Variants in PLCB1 observed in about 807,000 individuals in gnomAD.
PLCB1 encodes 1-phosphatidylinositol 4,5-bisphosphate phosphodiesterase beta-1.
In PLCB1, 46 loss-of-function variants were observed where a neutral mutation model predicts 161.8. The observed-to-expected ratio is 0.28, with a 90% CI of 0.22 to 0.36. PLCB1 has a LOEUF of 0.36. PLCB1 is among the 10% of genes least tolerant of loss of function. PLCB1 has a pLI of 1.00. For missense variants in PLCB1, 1,016 were observed against 1,472.5 expected (o/e 0.69, Z 5.07); for synonymous variants, 517 against 503.7 (o/e 1.03, Z -0.35).
intron 3 of PLCB1, among the ~76,000 whole-genome samples, chr20:8,420,105 A>G (rs1374230842): frequency 1.3e-5 from 2 of 152,176 alleles, no homozygotes; most frequent in Non-Finnish European, 2.9e-5. Context: ...AACTTTTACA[A>G]CAGAGAAAGC....
At chr20:8,302,049 A>G (rs1281070212) in intron 2 of PLCB1, among the ~76,000 whole-genome samples, 6 of 152,242 alleles carry the variant, frequency 3.9e-5, no homozygotes, top group Non-Finnish European at 7.3e-5. Flanking sequence ...GTGTCAGTAA[A>G]TGTGAAATAC....
At chr20:8,557,169 A>G (rs1985992954) in intron 3 of PLCB1, among the ~76,000 whole-genome samples, 1 of 151,898 alleles carries the variant, frequency 6.6e-6, no homozygotes, top group Admixed American at 6.6e-5. Flanking sequence ...TAGAGTTACC[A>G]TATAATTCAG....
rs1407830414 is a variant in PLCB1, at chr20:8,621,332, G to C, written c.247-6962G>C. Among the ~76,000 whole-genome samples, 3 of 152,240 alleles carry C rather than the reference G, an allele frequency of 2.0e-5. No individual in the cohort carries two copies. In the East Asian group the frequency reaches 5.8e-4, roughly 29 times the overall value. ...GGTGGTAGCATATGTCAAAAAGACTGGGGGGATAGTTTAAAACATGGCTGA... is the reference window on the plus strand; with the variant it reads ...GGTGGTAGCATATGTCAAAAAGACTCGGGGGATAGTTTAAAACATGGCTGA... On this transcript the variant is annotated intron_variant, in intron 3 of 31. Transcript: ENST00000338037.
At chr20:8,202,649 G>A (rs764130188) in intron 2 of PLCB1, among the ~76,000 whole-genome samples, 16 of 152,068 alleles carry the variant, frequency 1.1e-4, no homozygotes, top group African/African-American at 2.7e-4. Flanking sequence ...TAATTCAATC[G>A]CATATGTTGA....
At chr20:8,874,975 A>T (rs975310421) in intron 31 of PLCB1, among the ~76,000 whole-genome samples, 3 of 151,726 alleles carry the variant, frequency 2.0e-5, no homozygotes, top group Non-Finnish European at 4.4e-5. Flanking sequence ...GCTTCTTTAA[A>T]GGAAATTTCT....
At chr20:8,583,053 T>C (rs1266886867) in intron 3 of PLCB1, among the ~76,000 whole-genome samples, 7 of 132,348 alleles carry the variant, frequency 5.3e-5, no homozygotes, top group Non-Finnish European at 8.1e-5. Flanking sequence ...GAACCTTACA[T>C]TGATGAACCT....
At chr20:8,765,379 T>C (rs374877144) in intron 26 of PLCB1, 21 bp downstream of exon 26, 104 of 1,552,054 alleles carry the variant, frequency 6.7e-5, no homozygotes, top group Non-Finnish European at 8.9e-5. Flanking sequence ...TGAATATTTT[T>C]AGTTGGTTTC....
chr20:8,594,614 G>A (rs537641413), intron 3 of PLCB1, among the ~76,000 whole-genome samples: 1 of 151,718 alleles, frequency 6.6e-6, no homozygotes, highest in East Asian at 1.9e-4. Context: ...GAGCACTGTT[G>A]ATTCTCCACT....
chr20:8,628,533 G>A (rs970523899), intron 4 of PLCB1, 102 bp downstream of exon 4: 2 of 1,239,810 alleles, frequency 1.6e-6, no homozygotes, highest in South Asian at 1.4e-5. Flanking sequence ...TATTTAGCAT[G>A]TGTTAAAATT....
chr20:8,513,575 T>C (rs1983983724), intron 3 of PLCB1, among the ~76,000 whole-genome samples: 1 of 152,190 alleles, frequency 6.6e-6, no homozygotes, highest in Non-Finnish European at 1.5e-5. Flanking sequence ...AACATCCCCA[T>C]TGAAGTATTG....
At position 8,449,636 on chromosome 20, in the gene PLCB1, G is replaced by A. The variant is rs544640300; in HGVS notation, c.246+78186G>A. ...CACTTCCGGGGCACATACTACAATC[G>A]TTTCTTAGAGTGTCCCTAACAGGGG... On this transcript the variant is annotated intron_variant, in intron 3 of 31. Coordinates refer to ENST00000338037, the MANE Select transcript of PLCB1 (RefSeq NM_015192.4). Among the ~76,000 whole-genome samples, 4 of 152,258 alleles carry A rather than the reference G, an allele frequency of 2.6e-5. No individual in the cohort carries two copies. The South Asian group carries it at 6.2e-4, about 24-fold the overall frequency.
intron 6 of PLCB1, 95 bp from the exon 7 acceptor site, chr20:8,649,279 T>C (rs1443027161): frequency 1.3e-6 from 1 of 743,186 alleles, no homozygotes; most frequent in East Asian, 2.5e-5. Context: ...ATAAATAGAT[T>C]TGACTGAATG....
intron 31 of PLCB1, among the ~76,000 whole-genome samples, chr20:8,856,477 G>A (rs148513160): frequency 3.3e-5 from 5 of 151,982 alleles, no homozygotes; most frequent in Non-Finnish European, 5.9e-5. Context: ...TTAGCTGGGC[G>A]TGGGGGCACA....
At chr20:8,350,978 T>A (rs774372806) in intron 2 of PLCB1, among the ~76,000 whole-genome samples, 9 of 152,132 alleles carry the variant, frequency 5.9e-5, no homozygotes, top group Non-Finnish European at 8.8e-5. Context: ...CCCAGCAAAC[T>A]TTTTTTATAT....
intron 2 of PLCB1, among the ~76,000 whole-genome samples, chr20:8,212,090 T>C (rs1415370382): frequency 6.6e-6 from 1 of 152,148 alleles, no homozygotes. Flanking sequence ...ATATTTATAT[T>C]TACTGAACTG....
rs545970297 is a variant in PLCB1 at position 8,340,523 on chromosome 20, C to T, written c.178-30859C>T. Among the ~76,000 whole-genome samples, 614 of 152,008 alleles carry T rather than the reference C, an allele frequency of 4.0e-3. 5 individuals are homozygous for T. The highest frequency in any genetic ancestry group is 0.014 in the African/African-American group (564 of 41,494). ...CTGCAAGCTCCGCCTCCCGGGTTCA[C>T]GCCATTCTCCTGCCTCAGCCTCCCG... On this transcript the variant is annotated intron_variant, in intron 2 of 31. Coordinates refer to ENST00000338037, the MANE Select transcript of PLCB1 (RefSeq NM_015192.4).
chr20:8,177,945 A>G (rs146999570), intron 2 of PLCB1, among the ~76,000 whole-genome samples: 75 of 150,556 alleles, frequency 5.0e-4, no homozygotes, highest in Non-Finnish European at 9.6e-4. Flanking sequence ...AACATTCGTG[A>G]TGTTTGGTTT....
chr20:8,176,106 G>C (rs561470775), intron 2 of PLCB1, among the ~76,000 whole-genome samples: 167 of 152,262 alleles, frequency 1.1e-3, no homozygotes, highest in Middle Eastern at 3.4e-3. Flanking sequence ...TAAACATGTA[G>C]TTACTATATG....
chr20:8,591,631 C>T (rs929736542), intron 3 of PLCB1, among the ~76,000 whole-genome samples: 5 of 152,104 alleles, frequency 3.3e-5, no homozygotes, highest in Admixed American at 6.6e-5. Flanking sequence ...ACTTAAGAGA[C>T]GTTATTTTTT....
Sources: gnomAD v4.1 joint callset for allele counts (sites outside exome capture counted in the v4.1 genomes callset) on GRCh38, gnomAD v4.1.1 for gene constraint, MANE v1.5 for transcripts, NCBI Gene and HGNC (gene_info 2026-07-23, HGNC 2026-07-21) for gene names.